CIBAR2: variants seen among roughly 807,000 people sequenced by gnomAD.
CIBAR2 encodes CBY1-interacting BAR domain-containing protein 2.
A neutral mutation model predicts 36.2 loss-of-function variants in CIBAR2; 38 were observed. That is an observed-to-expected ratio of 1.05 (90% CI 0.81 to 1.38). The LOEUF (loss-of-function observed/expected upper bound fraction) is 1.38. Among genes scored for constraint, CIBAR2 ranks in the 40% most tolerant of loss-of-function variants. CIBAR2 has a pLI of 0.00. For synonymous variants in CIBAR2, 182 were observed against 149.5 expected (o/e 1.22, Z -1.58); for missense variants, 481 against 383.4 (o/e 1.25, Z -2.13).
At chr16:85,112,258 A>T (rs1239238666) in intron 1 of CIBAR2, 75 bp downstream of exon 1, 1 of 1,280,560 alleles carries the variant, frequency 7.8e-7, no homozygotes, top group Non-Finnish European at 1.1e-6. Context: ...TGCTGCCCTC[A>T]TCTTTGTTGG....
In CIBAR2 at chr16:85,104,015, G is replaced by T. The variant is rs1037518460; in HGVS notation, c.537+1312C>A. On this transcript the variant is annotated intron_variant, in intron 6 of 8. Coordinates refer to ENST00000539556, the MANE Select transcript of CIBAR2 (RefSeq NM_198491.3). ...TACCCAGCATCAGGCACAGCACCTG[G>T]CACGCAGTAGGTGTGCATTCCACAC... Among the ~76,000 whole-genome samples the T allele has an allele frequency of 5.9e-5, 9 of 152,260 alleles. No individual in the cohort carries two copies. In the East Asian group the frequency reaches 1.2e-3, roughly 20 times the overall value.
rs1411352355 is a variant in CIBAR2 at position 85,098,704 on chromosome 16, C to T, written c.*481G>A. The T allele has an allele frequency of 7.0e-6, 6 of 861,276 alleles. No homozygotes were observed. The highest frequency in any genetic ancestry group is 5.3e-5 in the South Asian group (1 of 18,852). 53.4% of individuals were successfully genotyped at this position (861,276 alleles called of 1,614,324 possible). On this transcript the variant is annotated 3_prime_UTR_variant, in exon 9 of 9. Coordinates refer to ENST00000539556, the MANE Select transcript of CIBAR2 (RefSeq NM_198491.3). ...ACTCTAAATAATAATAATAATAAAA[C>T]GACAGCAACATCAGTAATGATAATG...
At chr16:85,106,912 G>A (rs1029902639) in intron 5 of CIBAR2, among the ~76,000 whole-genome samples, 1 of 152,140 alleles carries the variant, frequency 6.6e-6, no homozygotes, top group Non-Finnish European at 1.5e-5. Flanking sequence ...TTGGAGGCCT[G>A]AGGCAGGTGG....
intron 7 of CIBAR2, 78 bp from the exon 8 acceptor site, chr16:85,100,318 G>T: frequency 2.3e-6 from 2 of 877,848 alleles, no homozygotes; most frequent in Non-Finnish European, 3.7e-6. Context: ...TGGAAAGACG[G>T]TGGGGACGAG....
At chr16:85,102,581 T>A (rs2073964457) in intron 6 of CIBAR2, among the ~76,000 whole-genome samples, 1 of 151,628 alleles carries the variant, frequency 6.6e-6, no homozygotes, top group African/African-American at 2.4e-5. Flanking sequence ...AGAGGCCGAG[T>A]CAGGAGAATC....
At position 85,106,246 on chromosome 16, in the gene CIBAR2, G is replaced by A. The variant is rs540576917; in HGVS notation, c.433-815C>T. 3.0e-4 allele frequency among the ~76,000 whole-genome samples: 45 copies of A among 152,196 alleles called. 1 individual carries two copies. Among genetic ancestry groups the A allele is most frequent in the South Asian group, 1.7e-3 (8 of 4,814 alleles). On this transcript the variant is annotated intron_variant, in intron 5 of 8. Transcript: ENST00000539556. ...CTCCCCACGCTCAGCACTAGTGTCC[G>A]GGGCCCTGTGGGAGGTTTAGCGGCA...
chr16:85,099,797 CTTTTTTTTTT>C (rs71386075), intron 8 of CIBAR2, among the ~76,000 whole-genome samples: 3 of 77,532 alleles, frequency 3.9e-5, no homozygotes, highest in African/African-American at 1.5e-4. Flanking sequence ...CTAATTTTTG[CTTTTTTTTTT>C]TTTTTTTTTT....
In CIBAR2 at chr16:85,106,530, G is replaced by A. The variant is rs185280341; in HGVS notation, c.433-1099C>T. Among the ~76,000 whole-genome samples the A allele has an allele frequency of 2.6e-3, 401 of 152,258 alleles. 1 individual carries two copies. The highest frequency in any genetic ancestry group is 8.9e-3 in the African/African-American group (371 of 41,546). Reference sequence around the variant, plus strand: ...AGGGAGGCGGGCAGGTCAGGGGAAAGATGTGACTACAGAGGGAAGGTGCAG... The same window carrying A: ...AGGGAGGCGGGCAGGTCAGGGGAAAAATGTGACTACAGAGGGAAGGTGCAG... On this transcript the variant is annotated intron_variant, in intron 5 of 8. Transcript: ENST00000539556.
At chr16:85,102,571 A>C (rs1307924694) in intron 6 of CIBAR2, among the ~76,000 whole-genome samples, 1 of 152,100 alleles carries the variant, frequency 6.6e-6, no homozygotes, top group Non-Finnish European at 1.5e-5. Context: ...CAGTACTTTA[A>C]GAGGCCGAGT....
chr16:85,108,138 T>A, intron 2 of CIBAR2, 39 bp from the exon 3 acceptor site: 1 of 1,562,500 alleles, frequency 6.4e-7, no homozygotes, highest in Non-Finnish European at 8.7e-7. Flanking sequence ...GAGCGCAGGG[T>A]GCTGCCTGCC....
In CIBAR2 at chr16:85,105,388, G is replaced by A. The variant is rs1377409692; in HGVS notation, c.476C>T (p.Thr159Ile). 1 of 1,613,724 alleles carries A rather than the reference G, an allele frequency of 6.2e-7. No individual in the cohort carries two copies. Among genetic ancestry groups the A allele is most frequent in the Non-Finnish European group, 8.5e-7 (1 of 1,179,966 alleles). The change falls in exon 6 of 9, where the codon ACC becomes ATC. Residue 159 changes from threonine to isoleucine, a missense_variant. Coordinates refer to ENST00000539556, the MANE Select transcript of CIBAR2 (RefSeq NM_198491.3). ...VQRAAVDSSR[T>I]TLQLEETVDG... The stretch of plus-strand genomic sequence containing the variant: ...CACAGTCTCCTCCAGCTGGAGGGTG[G>A]TGCGGCTGGAGTCCACAGCGGCCCT...
intron 5 of CIBAR2, 37 bp from the exon 6 acceptor site, chr16:85,105,468 G>C (rs374137815): frequency 6.6e-7 from 1 of 1,510,988 alleles, no homozygotes; most frequent in East Asian, 2.3e-5. Flanking sequence ...AAGTGTCATG[G>C]GGGTGCTTCT....
Position 85,099,436 on chromosome 16 carries a change from T to C in CIBAR2, c.754-90A>G, listed in dbSNP as rs553615422. 1.6e-4 allele frequency: 120 copies of C among 771,542 alleles called. No individual in the cohort carries two copies. In the African/African-American group the frequency reaches 1.9e-3, roughly 12 times the overall value. The allele number at this position is 771,542 out of a possible 1,614,324, so 47.8% of individuals were successfully genotyped here. The stretch of plus-strand genomic sequence containing the variant: ...TGTACCTAATCACCTCCCTAACCTC[T>C]GAGGAACCCTGGATTCTGGAACCCG... On this transcript the variant is annotated intron_variant, in intron 8 of 8. Transcript: ENST00000539556.
chr16:85,099,134 G>C lies in CIBAR2; in HGVS notation c.*51C>G. On this transcript the variant is annotated 3_prime_UTR_variant, in exon 9 of 9. Transcript: ENST00000539556. ...TCAGAAAATAAGAACAAAGCCTCCA[G>C]GCAGTCTGGGATTATTTTAAACGGC... The C allele has an allele frequency of 2.1e-6, 3 of 1,456,606 alleles. No individual in the cohort carries two copies. Among genetic ancestry groups the C allele is most frequent in the Non-Finnish European group, 2.7e-6 (3 of 1,102,334 alleles). The allele number at this position is 1,456,606 out of a possible 1,614,324, so 90.2% of individuals were successfully genotyped here.
chr16:85,105,230 T>G, intron 6 of CIBAR2, 97 bp downstream of exon 6: 5 of 740,340 alleles, frequency 6.8e-6, no homozygotes, highest in Non-Finnish European at 1.2e-5. Flanking sequence ...CCATACACAC[T>G]CATGCTGAAG....
chr16:85,102,090 C>G (rs1896318872), intron 7 of CIBAR2, 124 bp downstream of exon 7: 2 of 633,112 alleles, frequency 3.2e-6, no homozygotes, highest in Admixed American at 2.9e-5. Flanking sequence ...GCTTCATCAG[C>G]ATGAGTCTTC....
chr16:85,107,803 C>A (rs528530207), intron 4 of CIBAR2, 43 bp downstream of exon 4: 6 of 1,586,056 alleles, frequency 3.8e-6, no homozygotes, highest in South Asian at 1.1e-5. Flanking sequence ...TGAGTGGACA[C>A]CCTGGCCCGG....
intron 6 of CIBAR2, 63 bp downstream of exon 6, chr16:85,105,264 A>T: frequency 1.1e-6 from 1 of 937,062 alleles, no homozygotes; most frequent in South Asian, 1.4e-5. Context: ...ACGTGTACAC[A>T]CGTGCATGCA....
Position 85,098,578 on chromosome 16 carries a change from C to T in CIBAR2, c.*607G>A, listed in dbSNP as rs2144146469. 1.0e-6 allele frequency: 1 copy of T among 985,960 alleles called. No homozygotes were observed. Among genetic ancestry groups the T allele is most frequent in the Non-Finnish European group, 1.2e-6 (1 of 830,008 alleles). 61.1% of individuals were successfully genotyped at this position (985,960 alleles called of 1,614,324 possible). On this transcript the variant is annotated 3_prime_UTR_variant, in exon 9 of 9. Coordinates refer to ENST00000539556, the MANE Select transcript of CIBAR2 (RefSeq NM_198491.3). Reference sequence around the variant, plus strand: ...TGTGGGCAGTTCTCTCTTATGGGGTCCCTGCCCCAGTGCCCTGAGGTCCTC... The same window carrying T: ...TGTGGGCAGTTCTCTCTTATGGGGTTCCTGCCCCAGTGCCCTGAGGTCCTC...
Sources: allele counts gnomAD v4.1 joint callset (sites outside exome capture counted in the v4.1 genomes callset), GRCh38; gene constraint gnomAD v4.1.1; transcripts MANE v1.5; gene names NCBI Gene and HGNC (gene_info 2026-07-23, HGNC 2026-07-21).